The following TTC28 variants were observed in gnomAD, a reference collection of about 807,000 sequenced individuals.
TTC28 encodes the protein tetratricopeptide repeat domain 28.
In TTC28, 61 loss-of-function variants were observed where a neutral mutation model predicts 198.0. The ratio of observed to expected loss-of-function variants is 0.31; its 90% confidence interval spans 0.25 to 0.38. The LOEUF (loss-of-function observed/expected upper bound fraction) is 0.38, where lower values mean the gene tolerates loss of function less well. TTC28 is among the 10% of genes least tolerant of loss of function. TTC28 has a pLI of 1.00. For synonymous variants in TTC28, 1,171 were observed against 1,297.8 expected (o/e 0.90, Z 2.10); for missense variants, 2,678 against 3,164.0 (o/e 0.85, Z 3.69).
chr22:28,671,316 C>A (rs1292796951), intron 1 of TTC28, among the ~76,000 whole-genome samples: 1 of 151,984 alleles, frequency 6.6e-6, no homozygotes, highest in Non-Finnish European at 1.5e-5. Context: ...AATAATAAGT[C>A]CTTTAACAAA....
At chr22:28,319,932 G>A (rs1437092603) in intron 2 of TTC28, among the ~76,000 whole-genome samples, 1 of 152,130 alleles carries the variant, frequency 6.6e-6, no homozygotes, top group Non-Finnish European at 1.5e-5. Context: ...TCTGGAAGGA[G>A]TATATAGATA....
intron 1 of TTC28, among the ~76,000 whole-genome samples, chr22:28,679,146 C>G (rs2052049259): frequency 6.6e-6 from 1 of 152,222 alleles, no homozygotes; most frequent in Non-Finnish European, 1.5e-5. Context: ...GATGAGCCAC[C>G]GACAGACTTG....
intron 2 of TTC28, among the ~76,000 whole-genome samples, chr22:28,558,870 A>T (rs888449410): frequency 2.0e-5 from 3 of 151,720 alleles, no homozygotes; most frequent in Non-Finnish European, 2.9e-5. Flanking sequence ...CCCTGTCTCT[A>T]CTAAAAGTAC....
At chr22:28,483,097 A>G (rs774945664) in intron 2 of TTC28, among the ~76,000 whole-genome samples, 4 of 152,186 alleles carry the variant, frequency 2.6e-5, no homozygotes, top group Non-Finnish European at 4.4e-5. Context: ...TCATATGGTA[A>G]TTCTATGTTT....
chr22:28,165,217 G>C (rs1174790358), intron 5 of TTC28, among the ~76,000 whole-genome samples: 1 of 152,252 alleles, frequency 6.6e-6, no homozygotes, highest in Non-Finnish European at 1.5e-5. Flanking sequence ...GTACCTGAAA[G>C]TCATGGGGAG....
At chr22:28,166,560 T>A (rs1921983540) in intron 5 of TTC28, among the ~76,000 whole-genome samples, 1 of 152,184 alleles carries the variant, frequency 6.6e-6, no homozygotes, top group South Asian at 2.1e-4. Context: ...AACAACCTGC[T>A]CCTGAATGAC....
chr22:28,045,392 T>C lies in TTC28; in HGVS notation c.3933-15026A>G, dbSNP rs889891274. The stretch of plus-strand genomic sequence containing the variant: ...ATTTTTGAATTTGGGATTCAACCTG[T>C]AGTAGAAAGAGCCCAAGGCCTGGAG... On this transcript the variant is annotated intron_variant, in intron 12 of 22. Transcript: ENST00000397906. 1.8e-4 allele frequency among the ~76,000 whole-genome samples: 27 copies of C among 152,212 alleles called. 1 individual carries two copies. The highest frequency in any genetic ancestry group is 1.6e-3 in the Admixed American group (24 of 15,282).
intron 12 of TTC28, among the ~76,000 whole-genome samples, chr22:28,039,125 T>A (rs1198156437): frequency 6.6e-6 from 1 of 152,008 alleles, no homozygotes; most frequent in African/African-American, 2.4e-5. Context: ...TTCCTCAGGG[T>A]TCTAGAACTA....
At chr22:28,031,623 A>C (rs912310984) in intron 12 of TTC28, among the ~76,000 whole-genome samples, 1 of 152,178 alleles carries the variant, frequency 6.6e-6, no homozygotes, top group Non-Finnish European at 1.5e-5. Context: ...AGAGAAGGGA[A>C]ATAAGCCCCT....
chr22:28,604,297 T>TATATATA (rs1053139903), intron 2 of TTC28, among the ~76,000 whole-genome samples: 6 of 114,134 alleles, frequency 5.3e-5, no homozygotes, highest in East Asian at 2.2e-4. Context: ...AAAAAAAAAA[T>TATATATA]TATATATATA....
chr22:28,163,121 G>A lies in TTC28; in HGVS notation c.1412C>T (p.Ala471Val). Residue 471 changes from alanine (A) to valine (V), a missense_variant, in exon 6 of 23, where the codon GCT becomes GTT. Ala to Val is a moderately conservative substitution (Grantham distance 64). Coordinates refer to ENST00000397906, the MANE Select transcript of TTC28 (RefSeq NM_001145418.2). ...LGIAEDLKDR[A>V]AEGRASSNLG... ...ATTGGAGGATGCTCGCCCCTCTGCA[G>A]CCCGGTCCTTGAGATCCTCAGCAAT... The A allele has an allele frequency of 6.4e-7, 1 of 1,551,436 alleles. No homozygotes were observed. Among genetic ancestry groups the A allele is most frequent in the Non-Finnish European group, 8.7e-7 (1 of 1,146,886 alleles).
At chr22:28,276,588 G>A (rs2044477480) in intron 5 of TTC28, among the ~76,000 whole-genome samples, 1 of 152,144 alleles carries the variant, frequency 6.6e-6, no homozygotes, top group African/African-American at 2.4e-5. Flanking sequence ...GAAGAGATTA[G>A]GGATGATAGT....
At chr22:28,610,541 C>T (rs1270838833) in intron 2 of TTC28, among the ~76,000 whole-genome samples, 1 of 152,114 alleles carries the variant, frequency 6.6e-6, no homozygotes, top group Non-Finnish European at 1.5e-5. Flanking sequence ...ATAGCATCAA[C>T]ATCAACAAAA....
rs373893099 is a variant in TTC28 at position 28,611,495 on chromosome 22, C to CT, written c.381+18056dup. On this transcript the variant is annotated intron_variant, in intron 2 of 22. Coordinates refer to ENST00000397906, the MANE Select transcript of TTC28 (RefSeq NM_001145418.2). ...TCATAGGTGAAGGAGAAATAAAAGC[C>CT]TTTTTTTTAATTTTTTTTTTTTTTT... 2.4e-3 allele frequency among the ~76,000 whole-genome samples: 309 copies of CT among 126,752 alleles called. 1 individual carries two copies. The highest frequency in any genetic ancestry group is 9.3e-3 in the African/African-American group (294 of 31,556). 83.2% of individuals were successfully genotyped at this position (126,752 alleles called of 152,430 possible).
At chr22:28,555,124 G>T (rs2049766838) in intron 2 of TTC28, among the ~76,000 whole-genome samples, 1 of 152,032 alleles carries the variant, frequency 6.6e-6, no homozygotes, top group African/African-American at 2.4e-5. Flanking sequence ...TAATTATCAG[G>T]GAAATGCAAA....
rs745491250 is a variant in TTC28 at position 28,163,406 on chromosome 22, C to G, written c.1127G>C (p.Cys376Ser). ...AMGDFENAVQCHEQHLKIAKD... is the reference protein window; with the variant it reads ...AMGDFENAVQSHEQHLKIAKD... ...GGCTATCTTCAGATGCTGCTCATGG[C>G]ACTGCACAGCATTCTCAAAGTCACC... Residue 376 changes from cysteine to serine, a missense_variant, in exon 6 of 23, where the codon TGC becomes TCC. Physicochemically the swap from Cys to Ser is moderately radical, Grantham distance 112 (BLOSUM62 -1). Transcript: ENST00000397906. 1.5e-5 allele frequency: 23 copies of G among 1,551,830 alleles called. No homozygotes were observed. The highest frequency in any genetic ancestry group is 8.7e-7 in the Non-Finnish European group (1 of 1,147,036).
chr22:28,087,198 G>C (rs1255614611), intron 12 of TTC28, among the ~76,000 whole-genome samples: 1 of 151,834 alleles, frequency 6.6e-6, no homozygotes, highest in Non-Finnish European at 1.5e-5. Flanking sequence ...GCCGGGCAGA[G>C]ACAAAACAAA....
chr22:28,043,262 A>G (rs1454523885), intron 12 of TTC28, among the ~76,000 whole-genome samples: 6 of 148,832 alleles, frequency 4.0e-5, no homozygotes, highest in South Asian at 2.2e-4. Flanking sequence ...AAAAAAAAAA[A>G]AAAAAAAGAA....
chr22:28,371,967 T>C (rs1408887360), intron 2 of TTC28, among the ~76,000 whole-genome samples: 1 of 151,958 alleles, frequency 6.6e-6, no homozygotes, highest in Admixed American at 6.6e-5. Context: ...TGTGTGCCTG[T>C]AGTCCCAGCT....
Sources: gnomAD v4.1 joint callset for allele counts (sites outside exome capture counted in the v4.1 genomes callset) on GRCh38, gnomAD v4.1.1 for gene constraint, MANE v1.5 for transcripts, NCBI Gene and HGNC (gene_info 2026-07-23, HGNC 2026-07-21) for gene names.